The following DPP6 variants were observed in gnomAD, a reference collection of about 807,000 sequenced individuals.
DPP6 encodes dipeptidyl peptidase like 6, also known as A-type potassium channel modulatory protein DPP6.
In DPP6, 69 loss-of-function variants were observed where a neutral mutation model predicts 122.6. The ratio of observed to expected loss-of-function variants is 0.56; its 90% CI spans 0.46 to 0.69. DPP6 has a LOEUF of 0.69. Among genes scored for constraint, DPP6 ranks in the 30% least tolerant of loss-of-function variants. The pLI, the probability that DPP6 is intolerant of heterozygous loss-of-function variation, is 0.00. For missense variants in DPP6, 928 were observed against 1,116.9 expected (o/e 0.83, Z 2.41); for synonymous variants, 418 against 433.1 (o/e 0.97, Z 0.43).
chr7:154,054,265 G>T (rs1003500416), intron 1 of DPP6, among the ~76,000 whole-genome samples: 26 of 152,184 alleles, frequency 1.7e-4, no homozygotes, highest in African/African-American at 6.0e-4. Context: ...CTCCAGCCAC[G>T]CTGGTTCCCT....
intron 1 of DPP6, among the ~76,000 whole-genome samples, chr7:154,143,143 T>C (rs954669564): frequency 4.6e-5 from 7 of 151,532 alleles, no homozygotes; most frequent in African/African-American, 1.2e-4. Flanking sequence ...GGCTGCTTCC[T>C]GTGTGTAGAG....
intron 8 of DPP6, among the ~76,000 whole-genome samples, chr7:154,730,184 A>G (rs1842270026): frequency 6.6e-6 from 1 of 152,188 alleles, no homozygotes; most frequent in Admixed American, 6.5e-5. Flanking sequence ...TTGCTCCCTG[A>G]TATCTGAGAT....
chr7:154,201,252 C>G (rs1357985506), intron 1 of DPP6, among the ~76,000 whole-genome samples: 1 of 152,042 alleles, frequency 6.6e-6, no homozygotes, highest in Non-Finnish European at 1.5e-5. Flanking sequence ...CTCAGCCTGC[C>G]GAGTAGCTGG....
intron 1 of DPP6, among the ~76,000 whole-genome samples, chr7:153,889,597 C>T (rs570479067): frequency 2.0e-5 from 3 of 152,282 alleles, no homozygotes; most frequent in African/African-American, 7.2e-5. Flanking sequence ...GGTCTTTGCC[C>T]TCCCCCTAAC....
chr7:154,678,225 A>T (rs1307220514), intron 7 of DPP6, among the ~76,000 whole-genome samples: 2 of 152,216 alleles, frequency 1.3e-5, no homozygotes, highest in Non-Finnish European at 2.9e-5. Context: ...AAAGCTGGCC[A>T]CCGCCGCCCA....
chr7:153,814,735 C>T, the DPP6 span, among the ~76,000 whole-genome samples: 2 of 152,098 alleles, frequency 1.3e-5, no homozygotes, highest in Non-Finnish European at 2.9e-5. Flanking sequence ...ACGAATCCAG[C>T]AGCACATCAA....
intron 1 of DPP6, among the ~76,000 whole-genome samples, chr7:153,991,999 T>C (rs1367372075): frequency 4.6e-5 from 7 of 152,124 alleles, no homozygotes; most frequent in Non-Finnish European, 1.0e-4. Context: ...CATCTTGCTG[T>C]GTCCTCCATG....
rs1798929639 is a variant in DPP6, at chr7:154,197,506, G to A, written c.243+144443G>A. On this transcript the variant is annotated intron_variant, in intron 1 of 25. Coordinates refer to ENST00000377770, the MANE Select transcript of DPP6 (RefSeq NM_130797.4). ...TCCCTCGGAACACCCGGTCATCAGA[G>A]AGTGTTCCTGATTTCGCTTTTGCAA... Among the ~76,000 whole-genome samples, 5 of 152,268 alleles carry A rather than the reference G, an allele frequency of 3.3e-5. No individual in the cohort carries two copies. The Middle Eastern group carries it at 0.014, about 414-fold the overall frequency.
At chr7:154,121,187 T>A (rs1174132435) in intron 1 of DPP6, among the ~76,000 whole-genome samples, 1 of 152,160 alleles carries the variant, frequency 6.6e-6, no homozygotes, top group African/African-American at 2.4e-5. Context: ...AATTAACCAG[T>A]CTCAGGTATT....
rs1273628726 is a variant in DPP6 at position 154,706,563 on chromosome 7, C to T, written c.763-21204C>T. Among the ~76,000 whole-genome samples the T allele has an allele frequency of 2.0e-5, 3 of 152,182 alleles. No homozygotes were observed. In the South Asian group the frequency reaches 6.2e-4, roughly 32 times the overall value. Reference sequence around the variant, plus strand: ...ATGAAATGCACAGCCTTGGGCAGGGCCTGATGCTGGTTCCTGTCACTGTTG... The same window carrying T: ...ATGAAATGCACAGCCTTGGGCAGGGTCTGATGCTGGTTCCTGTCACTGTTG... On this transcript the variant is annotated intron_variant, in intron 7 of 25. Transcript: ENST00000377770.
intron 4 of DPP6, among the ~76,000 whole-genome samples, chr7:154,555,015 G>T (rs1433257144): frequency 6.6e-6 from 1 of 151,986 alleles, no homozygotes; most frequent in Non-Finnish European, 1.5e-5. Context: ...TATGCTAAAG[G>T]TTGTTTACCA....
intron 3 of DPP6, among the ~76,000 whole-genome samples, chr7:154,515,763 T>C (rs943503066): frequency 6.6e-6 from 1 of 152,172 alleles, no homozygotes; most frequent in African/African-American, 2.4e-5. Flanking sequence ...CGTGAGCTAT[T>C]GCGCCTGGCC....
At chr7:154,679,559 T>C (rs1839155213) in intron 7 of DPP6, among the ~76,000 whole-genome samples, 1 of 152,224 alleles carries the variant, frequency 6.6e-6, no homozygotes, top group Admixed American at 6.5e-5. Flanking sequence ...CCCAGTCCCA[T>C]GGCTGTAGCA....
chr7:154,080,647 A>G (rs375040704), intron 1 of DPP6, among the ~76,000 whole-genome samples: 1 of 152,330 alleles, frequency 6.6e-6, no homozygotes, highest in South Asian at 2.1e-4. Context: ...ACCCAAGGTC[A>G]TACCTCCGTC....
chr7:153,971,974 C>T (rs901673337), intron 1 of DPP6, among the ~76,000 whole-genome samples: 1 of 148,516 alleles, frequency 6.7e-6, no homozygotes, highest in African/African-American at 2.5e-5. Context: ...ATGTTTGTTT[C>T]CTGTCTATTA....
At chr7:154,257,412 G>A (rs746926527) in intron 1 of DPP6, among the ~76,000 whole-genome samples, 3 of 151,990 alleles carry the variant, frequency 2.0e-5, no homozygotes, top group Admixed American at 1.3e-4. Flanking sequence ...ATTCAAAAGC[G>A]GTCTGGTGCG....
chr7:154,308,900 G>A (rs1285699990), intron 1 of DPP6, among the ~76,000 whole-genome samples: 1 of 152,214 alleles, frequency 6.6e-6, no homozygotes, highest in Non-Finnish European at 1.5e-5. Flanking sequence ...ATATTAAGCA[G>A]GGATAAGTTT....
At chr7:154,283,654 G>A (rs573608992) in intron 1 of DPP6, among the ~76,000 whole-genome samples, 5 of 152,204 alleles carry the variant, frequency 3.3e-5, no homozygotes, top group African/African-American at 9.6e-5. Flanking sequence ...ACAAGGAGTC[G>A]TCCTATGTAG....
At chr7:154,115,677 G>T (rs374225193) in intron 1 of DPP6, among the ~76,000 whole-genome samples, 4 of 152,156 alleles carry the variant, frequency 2.6e-5, no homozygotes, top group African/African-American at 9.7e-5. Flanking sequence ...AGTGGGAAGA[G>T]CTCTGCTCTT....
Sources: allele counts gnomAD v4.1 joint callset (sites outside exome capture counted in the v4.1 genomes callset), GRCh38; gene constraint gnomAD v4.1.1; transcripts MANE v1.5; gene names NCBI Gene and HGNC (gene_info 2026-07-23, HGNC 2026-07-21).